MEIKIN: variants seen among roughly 807,000 people sequenced by gnomAD.
The protein encoded by MEIKIN is meiotic kinetochore factor.
intron 10 of MEIKIN, 43 bp from the exon 11 acceptor site, chr5:131,851,426 C>T (rs772119841): frequency 1.5e-5 from 6 of 396,044 alleles, no homozygotes; most frequent in Non-Finnish European, 2.2e-5. Context: ...TTAAACATTG[C>T]AAAAGCAATG....
At chr5:131,822,308 G>C (rs1749524078) in intron 11 of MEIKIN, among the ~76,000 whole-genome samples, 1 of 151,970 alleles carries the variant, frequency 6.6e-6, no homozygotes, top group Non-Finnish European at 1.5e-5. Context: ...TTGACAGTTA[G>C]GGACTTACTG....
intron 8 of MEIKIN, among the ~76,000 whole-genome samples, chr5:131,902,236 C>T (rs1751171034): frequency 6.6e-6 from 1 of 152,118 alleles, no homozygotes; most frequent in Non-Finnish European, 1.5e-5. Flanking sequence ...GGTTCGAGAC[C>T]AGCCTGGGCA....
intron 6 of MEIKIN, among the ~76,000 whole-genome samples, chr5:131,920,767 C>G (rs57671544): frequency 0.026 from 3,963 of 151,654 alleles, 158 homozygotes; most frequent in African/African-American, 0.085. Flanking sequence ...AAACGTGGCT[C>G]ACTGTAGCCT....
At chr5:131,843,184 G>C (rs1350915701) in intron 11 of MEIKIN, among the ~76,000 whole-genome samples, 1 of 152,254 alleles carries the variant, frequency 6.6e-6, no homozygotes, top group African/African-American at 2.4e-5. Flanking sequence ...GCCTGGTCCA[G>C]AAAACCATTT....
At chr5:131,810,352 A>G (rs779789803) in intron 12 of MEIKIN, among the ~76,000 whole-genome samples, 1 of 152,194 alleles carries the variant, frequency 6.6e-6, no homozygotes, top group Non-Finnish European at 1.5e-5. Context: ...AAAATTTACT[A>G]TAAGGATAGC....
chr5:131,841,375 C>T (rs1204159642), intron 11 of MEIKIN, among the ~76,000 whole-genome samples: 3 of 152,168 alleles, frequency 2.0e-5, no homozygotes, highest in Non-Finnish European at 4.4e-5. Context: ...GGCACATACT[C>T]ATCAGCTACA....
rs911482215 is a variant in MEIKIN, at chr5:131,846,068, T to G, written c.975+5196A>C. On this transcript the variant is annotated intron_variant, in intron 11 of 12. Transcript: ENST00000442687. Reference sequence around the variant, plus strand: ...CACACAAGGGATCTTTATAAGATAATCAACAGATTTCTTGTCAGAAATGTT... The same window carrying G: ...CACACAAGGGATCTTTATAAGATAAGCAACAGATTTCTTGTCAGAAATGTT... 2.0e-5 allele frequency among the ~76,000 whole-genome samples: 3 copies of G among 152,162 alleles called. No homozygotes were observed. The South Asian group carries it at 6.2e-4, about 32-fold the overall frequency.
chr5:131,830,775 G>C (rs1000111963), intron 11 of MEIKIN, among the ~76,000 whole-genome samples: 1 of 152,160 alleles, frequency 6.6e-6, no homozygotes, highest in Non-Finnish European at 1.5e-5. Context: ...CTGTGACAAA[G>C]TAAGCCACAA....
At chr5:131,896,883 T>A (rs115308991) in intron 8 of MEIKIN, among the ~76,000 whole-genome samples, 270 of 152,356 alleles carry the variant, frequency 1.8e-3, no homozygotes, top group African/African-American at 6.3e-3. Flanking sequence ...CCATTTTACA[T>A]TTAAGGTTAA....
At chr5:131,883,263 G>C (rs951602776) in intron 8 of MEIKIN, among the ~76,000 whole-genome samples, 1 of 152,148 alleles carries the variant, frequency 6.6e-6, no homozygotes, top group Admixed American at 6.6e-5. Flanking sequence ...CCTCAGAGGA[G>C]AAGAGTCTAG....
intron 4 of MEIKIN, among the ~76,000 whole-genome samples, chr5:131,935,286 A>AAAAG (rs1305605031): frequency 3.4e-3 from 501 of 148,976 alleles, no homozygotes; most frequent in South Asian, 0.01. Flanking sequence ...AAAAAAAAAA[A>AAAAG]AAAGAAAGAA....
At chr5:131,935,579 A>G (rs1751763930) in intron 4 of MEIKIN, among the ~76,000 whole-genome samples, 1 of 152,164 alleles carries the variant, frequency 6.6e-6, no homozygotes, top group African/African-American at 2.4e-5. Flanking sequence ...CAAGATAGAG[A>G]TCAACACTGA....
In MEIKIN at chr5:131,850,641, G is replaced by A. The variant is rs1041321996; in HGVS notation, c.975+623C>T. Among the ~76,000 whole-genome samples the A allele has an allele frequency of 3.3e-5, 5 of 152,114 alleles. No homozygotes were observed. In the East Asian group the frequency reaches 9.6e-4, roughly 29 times the overall value. On this transcript the variant is annotated intron_variant, in intron 11 of 12. Coordinates refer to ENST00000442687, the MANE Select transcript of MEIKIN (RefSeq NM_001303622.2). ...TATCTACATGCAAAAGAATGAAGCTGGACCCTTACCTAATACTATACACAA... is the reference window on the plus strand; with the variant it reads ...TATCTACATGCAAAAGAATGAAGCTAGACCCTTACCTAATACTATACACAA...
intron 12 of MEIKIN, among the ~76,000 whole-genome samples, chr5:131,809,567 G>C (rs1420972795): frequency 1.3e-5 from 2 of 152,182 alleles, no homozygotes; most frequent in Non-Finnish European, 2.9e-5. Context: ...CCAGCACTTT[G>C]GGAGGCTGAG....
At chr5:131,835,577 A>T (rs1749791351) in intron 11 of MEIKIN, among the ~76,000 whole-genome samples, 1 of 151,914 alleles carries the variant, frequency 6.6e-6, no homozygotes, top group Non-Finnish European at 1.5e-5. Context: ...GTTCTGTTTC[A>T]TTGGTGTATA....
intron 8 of MEIKIN, among the ~76,000 whole-genome samples, chr5:131,898,547 G>A (rs557590476): frequency 1.1e-4 from 16 of 152,328 alleles, no homozygotes; most frequent in Middle Eastern, 3.4e-3. Context: ...GTCTATAGAC[G>A]CAGTAAGCCT....
chr5:131,872,109 A>T (rs1165131446), intron 9 of MEIKIN, among the ~76,000 whole-genome samples: 13 of 152,254 alleles, frequency 8.5e-5, no homozygotes, highest in African/African-American at 3.1e-4. Context: ...CTCCAAAGGA[A>T]TGCAGCTCCT....
chr5:131,845,640 C>T (rs1212095217), intron 11 of MEIKIN, among the ~76,000 whole-genome samples: 1 of 149,454 alleles, frequency 6.7e-6, no homozygotes, highest in Non-Finnish European at 1.5e-5. Flanking sequence ...CTTAAAAGTA[C>T]AATAACTGAA....
At chr5:131,925,281 A>G (rs1751569167) in intron 5 of MEIKIN, among the ~76,000 whole-genome samples, 1 of 152,218 alleles carries the variant, frequency 6.6e-6, no homozygotes, top group Non-Finnish European at 1.5e-5. Context: ...GGTTCCATAT[A>G]CACTTCAGGG....
Sources: gnomAD v4.1 joint callset for allele counts (sites outside exome capture counted in the v4.1 genomes callset) on GRCh38, gnomAD v4.1.1 for gene constraint, MANE v1.5 for transcripts, NCBI Gene and HGNC (gene_info 2026-07-23, HGNC 2026-07-21) for gene names.